Variants in ZNHIT6 observed in about 807,000 individuals in gnomAD.
ZNHIT6 encodes box C/D snoRNA protein 1.
Under a neutral mutation model 57.2 loss-of-function variants are expected in ZNHIT6, and 45 were observed. That is an observed-to-expected ratio of 0.79 (90% CI 0.62 to 1.01). The LOEUF (loss-of-function observed/expected upper bound fraction) is 1.01, where lower values mean the gene tolerates loss of function less well. ZNHIT6 is among the 50% of genes least tolerant of loss of function. The pLI is 0.00. For synonymous variants in ZNHIT6, 188 were observed against 190.0 expected, an observed-to-expected ratio of 0.99 and a Z score of 0.09; for missense variants, 528 against 567.3, an observed-to-expected ratio of 0.93 and a Z score of 0.70.
intron 5 of ZNHIT6, among the ~76,000 whole-genome samples, chr1:85,689,060 T>C (rs189087137): frequency 2.0e-4 from 31 of 152,334 alleles, no homozygotes; most frequent in Non-Finnish European, 2.9e-4. Flanking sequence ...CTTTCATTTA[T>C]AAGCAATAGA....
At chr1:85,693,920 A>G (rs1662287282) in intron 5 of ZNHIT6, among the ~76,000 whole-genome samples, 2 of 152,206 alleles carry the variant, frequency 1.3e-5, no homozygotes, top group African/African-American at 4.8e-5. Context: ...GGAGTTCAAG[A>G]CTAGCCTGGG....
Position 85,655,006 on chromosome 1 carries a change from G to T in ZNHIT6, c.1373-908C>A, listed in dbSNP as rs186057011. Among the ~76,000 whole-genome samples, 1,361 of 152,210 alleles carry T rather than the reference G, an allele frequency of 8.9e-3. 12 individuals carry two copies. Among genetic ancestry groups the T allele is most frequent in the Non-Finnish European group, 0.016 (1,102 of 67,986 alleles). On this transcript the variant is annotated intron_variant, in intron 9 of 9. Transcript: ENST00000370574. Reference sequence around the variant, plus strand: ...TATTCCAACTGACAAGTTCCCTGGGGTTTGCTGTTGTACCTAGACTTCAGA... The same window carrying T: ...TATTCCAACTGACAAGTTCCCTGGGTTTTGCTGTTGTACCTAGACTTCAGA...
intron 1 of ZNHIT6, among the ~76,000 whole-genome samples, chr1:85,707,154 C>T (rs1662706997): frequency 6.6e-6 from 1 of 152,212 alleles, no homozygotes; most frequent in Admixed American, 6.5e-5. Flanking sequence ...ATGATCCACA[C>T]ACTAAGGAAA....
chr1:85,706,876 A>G (rs757286174), intron 1 of ZNHIT6, among the ~76,000 whole-genome samples: 1 of 152,240 alleles, frequency 6.6e-6, no homozygotes, highest in African/African-American at 2.4e-5. Flanking sequence ...CTATGTTTAG[A>G]TATTTTTAAA....
intron 8 of ZNHIT6, among the ~76,000 whole-genome samples, chr1:85,658,757 G>T (rs1661138203): frequency 6.6e-6 from 1 of 151,926 alleles, no homozygotes; most frequent in Non-Finnish European, 1.5e-5. Context: ...TGTAATCACA[G>T]CTACTCGGGA....
At position 85,677,318 on chromosome 1, in the gene ZNHIT6, A is replaced by G. The variant is rs368250890; in HGVS notation, c.1170-5T>C. The stretch of plus-strand genomic sequence containing the variant: ...GAGCGAATGTAGGCTTTCAACCTGA[A>G]ATAAAAACATCATATTGAAGGAAAA... On this transcript the variant is annotated splice_region_variant and splice_polypyrimidine_tract_variant and intron_variant, in intron 7 of 9. Transcript: ENST00000370574. 5 of 1,599,940 alleles carry G rather than the reference A, an allele frequency of 3.1e-6. No homozygotes were observed. The highest frequency in any genetic ancestry group is 4.3e-6 in the Non-Finnish European group (5 of 1,175,486).
rs1661765486 is a variant in ZNHIT6 at position 85,678,332 on chromosome 1, G to C, written c.1169+369C>G. Among the ~76,000 whole-genome samples, 4 of 152,238 alleles carry C rather than the reference G, an allele frequency of 2.6e-5. No homozygotes were observed. The South Asian group carries it at 8.3e-4, about 32-fold the overall frequency. On this transcript the variant is annotated intron_variant, in intron 7 of 9. Transcript: ENST00000370574. ...GTTTAGTTTAAGGGTTAAGAGTAAA[G>C]ACTTTGACTCCAGACTGCCTGGGTG...
chr1:85,662,835 C>T (rs1246274262), intron 8 of ZNHIT6, among the ~76,000 whole-genome samples: 1 of 152,152 alleles, frequency 6.6e-6, no homozygotes, highest in East Asian at 1.9e-4. Context: ...CAGTTCAGAA[C>T]TGCATTTGGT....
rs746992245 is a variant in ZNHIT6 at position 85,708,256 on chromosome 1, T to C, written c.29A>G (p.Lys10Arg). ...TACGCTGTGGAGACCTCCCCCAGAC[T>C]TCCCTTCATTTTCAGCAGCAAACTC... MEFAAENEG[K>R]SGGGLHSVAE... The change falls in exon 1 of 10, where the codon AAG becomes AGG. Residue 10 changes from lysine (K) to arginine (R), a missense_variant. Lys to Arg is a conservative substitution (Grantham distance 26, BLOSUM62 2). Coordinates refer to ENST00000370574, the MANE Select transcript of ZNHIT6 (RefSeq NM_017953.4). 6 of 1,603,762 alleles carry C rather than the reference T, an allele frequency of 3.7e-6. No individual in the cohort carries two copies. Among genetic ancestry groups the C allele is most frequent in the South Asian group, 1.1e-5 (1 of 90,880 alleles).
chr1:85,702,264 A>G lies in ZNHIT6; in HGVS notation c.916-4T>C. On this transcript the variant is annotated splice_polypyrimidine_tract_variant and splice_region_variant and intron_variant, in intron 4 of 9. Coordinates refer to ENST00000370574, the MANE Select transcript of ZNHIT6 (RefSeq NM_017953.4). ...CACGATTTTTCATAAAGTACATCTA[A>G]CAACAAAAACCAAACAGACAAATTA... The G allele has an allele frequency of 3.9e-6, 6 of 1,533,924 alleles. No homozygotes were observed. Among genetic ancestry groups the G allele is most frequent in the Non-Finnish European group, 5.3e-6 (6 of 1,123,666 alleles).
At chr1:85,696,852 C>CT (rs67507264) in intron 5 of ZNHIT6, among the ~76,000 whole-genome samples, 2,352 of 113,702 alleles carry the variant, frequency 0.021, 114 homozygotes, top group African/African-American at 0.068. Context: ...ACCATCTATT[C>CT]TTTTTTTTTT....
intron 8 of ZNHIT6, among the ~76,000 whole-genome samples, chr1:85,676,824 A>G (rs781206884): frequency 4.6e-5 from 7 of 152,208 alleles, no homozygotes; most frequent in Non-Finnish European, 1.0e-4. Flanking sequence ...GAAATATTGC[A>G]AGAAATACCA....
intron 5 of ZNHIT6, among the ~76,000 whole-genome samples, chr1:85,699,816 A>G (rs1298840124): frequency 6.6e-6 from 1 of 152,170 alleles, no homozygotes; most frequent in East Asian, 1.9e-4. Context: ...CATAAAATAA[A>G]TGTTCATGAA....
chr1:85,682,564 CATTTT>C (rs1187080783), intron 5 of ZNHIT6, among the ~76,000 whole-genome samples: 1 of 152,088 alleles, frequency 6.6e-6, no homozygotes, highest in Non-Finnish European at 1.5e-5. Context: ...CCTCGGAAAT[CATTTT>C]ATTTGTTGTA....
At chr1:85,683,524 GAA>G (rs1200395551) in intron 5 of ZNHIT6, among the ~76,000 whole-genome samples, 5 of 124,318 alleles carry the variant, frequency 4.0e-5, no homozygotes, top group African/African-American at 6.0e-5. Flanking sequence ...TTCCGTCACA[GAA>G]AAAAAAAAAA....
intron 8 of ZNHIT6, among the ~76,000 whole-genome samples, chr1:85,671,503 T>C (rs1661556195): frequency 6.6e-6 from 1 of 152,090 alleles, no homozygotes; most frequent in Admixed American, 6.6e-5. Context: ...CAAAAGAAGC[T>C]GTTAAACAAA....
intron 5 of ZNHIT6, among the ~76,000 whole-genome samples, chr1:85,691,244 T>G (rs1408358501): frequency 6.6e-6 from 1 of 152,196 alleles, no homozygotes; most frequent in Non-Finnish European, 1.5e-5. Flanking sequence ...TTATGTTTAA[T>G]AAAAAATAAA....
In ZNHIT6 at chr1:85,687,308, AAAAC is replaced by A. The variant is rs1557861227; in HGVS notation, c.1020-6408_1020-6405del. Among the ~76,000 whole-genome samples the A allele has an allele frequency of 1.7e-3, 248 of 145,200 alleles. 35 individuals are homozygous for A. Among genetic ancestry groups the A allele is most frequent in the Admixed American group, 0.01 (146 of 14,322 alleles). ...AAAAACAAAAAAAAAACAAAAAAAAAAAACAATTTAGAACCCAGTACTCAAAAAT... is the reference window on the plus strand; with the variant it reads ...AAAAACAAAAAAAAAACAAAAAAAAAAATTTAGAACCCAGTACTCAAAAAT... On this transcript the variant is annotated intron_variant, in intron 5 of 9. Coordinates refer to ENST00000370574, the MANE Select transcript of ZNHIT6 (RefSeq NM_017953.4).
chr1:85,684,502 T>A lies in ZNHIT6; in HGVS notation c.1020-3598A>T, dbSNP rs562815740. Among the ~76,000 whole-genome samples the A allele has an allele frequency of 6.7e-4, 102 of 152,292 alleles. 1 individual carries two copies. The highest frequency in any genetic ancestry group is 6.8e-3 in the Middle Eastern group (2 of 294). ...TACTGTATGCAACAGATATACAGTG[T>A]ATCTATGGTATCAAAATATCACGGC... On this transcript the variant is annotated intron_variant, in intron 5 of 9. Coordinates refer to ENST00000370574, the MANE Select transcript of ZNHIT6 (RefSeq NM_017953.4).
Sources: allele counts gnomAD v4.1 joint callset (sites outside exome capture counted in the v4.1 genomes callset), GRCh38; gene constraint gnomAD v4.1.1; transcripts MANE v1.5; gene names NCBI Gene and HGNC (gene_info 2026-07-23, HGNC 2026-07-21).